HNRNPC: variants seen among roughly 807,000 people sequenced by gnomAD.
HNRNPC encodes the protein heterogeneous nuclear ribonucleoprotein C, also known as heterogeneous nuclear ribonucleoproteins C1/C2.
A neutral mutation model predicts 33.2 loss-of-function variants in HNRNPC; 3 were observed. The ratio of observed to expected loss-of-function variants is 0.09; its 90% CI spans 0.04 to 0.23. HNRNPC has a LOEUF of 0.23. Ranked by LOEUF, HNRNPC falls within the 10% of genes least tolerant of loss-of-function variation. The probability of loss-of-function intolerance (pLI) is 1.00; values close to 1 mark genes in which losing one functional copy is unlikely to be tolerated. For missense variants in HNRNPC, 143 were observed against 366.7 expected (o/e 0.39, Z 4.98); for synonymous variants, 121 against 126.7 (o/e 0.96, Z 0.30).
chr14:21,249,775 G>A (rs191634022), intron 2 of HNRNPC, among the ~76,000 whole-genome samples: 17 of 151,656 alleles, frequency 1.1e-4, no homozygotes, highest in African/African-American at 3.2e-4. Flanking sequence ...GGGGTGTTAC[G>A]ACATAAAAGT....
At chr14:21,266,613 A>T (rs763286882) in intron 1 of HNRNPC, among the ~76,000 whole-genome samples, 2 of 150,326 alleles carry the variant, frequency 1.3e-5, no homozygotes, top group Admixed American at 1.3e-4. Flanking sequence ...GCTACACCTC[A>T]AAGTTCTGGT....
rs551700584 is a variant in HNRNPC at position 21,247,948 on chromosome 14, G to A, written c.-36-13719C>T. On this transcript the variant is annotated intron_variant, in intron 2 of 8. Coordinates refer to ENST00000553300, the MANE Select transcript of HNRNPC (RefSeq NM_004500.4). ...GGAGGTTGCAGTGAGCCGAGATCAC[G>A]CCACTGCACTCCAGCCTCGGCGATG... 4.0e-5 allele frequency among the ~76,000 whole-genome samples: 6 copies of A among 151,610 alleles called. No individual in the cohort carries two copies. In the South Asian group the frequency reaches 8.3e-4, roughly 21 times the overall value.
At chr14:21,226,100 G>C (rs191206409) in intron 5 of HNRNPC, among the ~76,000 whole-genome samples, 1 of 151,894 alleles carries the variant, frequency 6.6e-6, no homozygotes. Context: ...GATGGATCAT[G>C]AAGTCAGGTG....
In HNRNPC at chr14:21,249,599, A is replaced by AAAAC. The variant is rs199946680; in HGVS notation, c.-37+13711_-37+13712insGTTT. Among the ~76,000 whole-genome samples, 502 of 148,652 alleles carry AAAAC rather than the reference A, an allele frequency of 3.4e-3. 1 individual carries two copies. In the Middle Eastern group the frequency reaches 0.038, roughly 11 times the overall value. On this transcript the variant is annotated intron_variant, in intron 2 of 8. Transcript: ENST00000553300. ...GAAAACTGTGTCTCAAAAACAAAAA[A>AAAAC]AAAAAAAAAAAAAAAAGAATCAATG... is the stretch of plus-strand genomic sequence containing the variant.
At chr14:21,263,638 G>A (rs1029694789) in intron 1 of HNRNPC, 6 of 151,846 alleles carry the variant, frequency 4.0e-5, no homozygotes, top group Admixed American at 2.6e-4. Context: ...TCCAGGTCCC[G>A]GTTTTGGAAA....
At position 21,212,982 on chromosome 14, in the gene HNRNPC, C is replaced by T. The variant is rs777383443; in HGVS notation, c.501G>A (p.Arg167=). Residue 167 remains arginine (R), a synonymous_variant, in exon 6 of 9, where the codon CGG becomes CGA. Transcript: ENST00000553300. ...KSGFNSKSGQ[R]GSSKSGKLKG... ...TACACTTTCCAGACTTGGAAGATCC[C>T]CGCTGTCCACTCTTAGAATTGAAGC... 2 of 1,613,918 alleles carry T rather than the reference C, an allele frequency of 1.2e-6. No homozygotes were observed. Among genetic ancestry groups the T allele is most frequent in the South Asian group, 2.2e-5 (2 of 91,060 alleles).
chr14:21,258,106 T>G (rs2138994191), intron 2 of HNRNPC, among the ~76,000 whole-genome samples: 1 of 152,292 alleles, frequency 6.6e-6, no homozygotes, highest in East Asian at 1.9e-4. Context: ...TTTTCTAGAA[T>G]GCTCAGCCGG....
intron 2 of HNRNPC, among the ~76,000 whole-genome samples, chr14:21,262,031 G>C (rs1229479166): frequency 6.6e-6 from 1 of 152,146 alleles, no homozygotes; most frequent in Non-Finnish European, 1.5e-5. Flanking sequence ...ACTGTAAAAG[G>C]GGTCAGCCTT....
At chr14:21,261,725 G>C (rs1878282530) in intron 2 of HNRNPC, among the ~76,000 whole-genome samples, 1 of 152,128 alleles carries the variant, frequency 6.6e-6, no homozygotes, top group African/African-American at 2.4e-5. Context: ...GCGAGACCCT[G>C]TCTCTACAAA....
intron 2 of HNRNPC, among the ~76,000 whole-genome samples, chr14:21,240,101 A>G (rs1379437196): frequency 6.6e-6 from 1 of 152,190 alleles, no homozygotes; most frequent in Admixed American, 6.6e-5. Flanking sequence ...TTTGTCTGAT[A>G]TGCTTGTCTG....
chr14:21,248,447 T>C (rs920488240), intron 2 of HNRNPC, among the ~76,000 whole-genome samples: 7 of 152,168 alleles, frequency 4.6e-5, no homozygotes, highest in African/African-American at 1.2e-4. Context: ...ATGAGTATCA[T>C]TGATAGTATT....
intron 5 of HNRNPC, chr14:21,213,421 G>C (rs1406263707): frequency 9.9e-6 from 3 of 303,094 alleles, no homozygotes; most frequent in Non-Finnish European, 1.9e-5. Context: ...CTCTGTACTA[G>C]TGTCAGTATT....
At chr14:21,259,835 G>C (rs1394574729) in intron 2 of HNRNPC, among the ~76,000 whole-genome samples, 1 of 149,742 alleles carries the variant, frequency 6.7e-6, no homozygotes, top group Non-Finnish European at 1.5e-5. Flanking sequence ...AAATCTTCCA[G>C]GAGTTTTTGA....
At chr14:21,255,572 A>G (rs1877035162) in intron 2 of HNRNPC, among the ~76,000 whole-genome samples, 1 of 152,212 alleles carries the variant, frequency 6.6e-6, no homozygotes, top group African/African-American at 2.4e-5. Context: ...CCTATTACAC[A>G]GACTAGCTAT....
intron 5 of HNRNPC, among the ~76,000 whole-genome samples, chr14:21,216,322 C>T (rs931395579): frequency 1.3e-5 from 2 of 152,052 alleles, no homozygotes; most frequent in Non-Finnish European, 2.9e-5. Context: ...CCAGAGTAGA[C>T]GTTAATCTAT....
chr14:21,253,760 A>G (rs891126877), intron 2 of HNRNPC, among the ~76,000 whole-genome samples: 30 of 151,878 alleles, frequency 2.0e-4, no homozygotes, highest in Admixed American at 2.0e-3. Flanking sequence ...TGGAGAACAA[A>G]CTTAAGAACT....
chr14:21,250,984 G>A (rs750908014), intron 2 of HNRNPC, among the ~76,000 whole-genome samples: 7 of 152,124 alleles, frequency 4.6e-5, no homozygotes, highest in South Asian at 4.1e-4. Flanking sequence ...ATTTCCGGCC[G>A]GGCGCGGTGG....
At chr14:21,223,549 G>C (rs1321171901) in intron 5 of HNRNPC, among the ~76,000 whole-genome samples, 2 of 152,100 alleles carry the variant, frequency 1.3e-5, no homozygotes, top group East Asian at 3.9e-4. Context: ...AGGAGTTCAA[G>C]ATGAGCCTGG....
intron 2 of HNRNPC, among the ~76,000 whole-genome samples, chr14:21,253,417 T>C (rs1896877728): frequency 8.0e-6 from 1 of 125,220 alleles, no homozygotes; most frequent in African/African-American, 3.2e-5. Flanking sequence ...GAGCTTGCAG[T>C]GAGAGAGATC....
Sources: allele counts gnomAD v4.1 joint callset (sites outside exome capture counted in the v4.1 genomes callset), GRCh38; gene constraint gnomAD v4.1.1; transcripts MANE v1.5; gene names NCBI Gene and HGNC (gene_info 2026-07-23, HGNC 2026-07-21).